The following SERAC1 variants were observed in gnomAD, a reference collection of about 807,000 sequenced individuals.
The protein encoded by SERAC1 is serine active site containing 1, also known as protein SERAC1.
A neutral mutation model predicts 85.7 loss-of-function variants in SERAC1; 36 were observed. The observed-to-expected ratio is 0.42, with a 90% CI of 0.32 to 0.55. The LOEUF (loss-of-function observed/expected upper bound fraction) is 0.55, where lower values mean the gene tolerates loss of function less well. Ranked by LOEUF, SERAC1 falls within the 20% of genes least tolerant of loss-of-function variation. The pLI, the probability that SERAC1 is intolerant of heterozygous loss-of-function variation, is 0.11. For missense variants in SERAC1, 629 were observed against 796.2 expected (o/e 0.79, Z 2.53); for synonymous variants, 242 against 265.3 (o/e 0.91, Z 0.85).
At chr6:158,150,734 T>C (rs1785184535) in intron 3 of SERAC1, 145 bp from the exon 4 acceptor site, 1 of 655,008 alleles carries the variant, frequency 1.5e-6, no homozygotes, top group South Asian at 1.9e-5. Context: ...ATAACATTTA[T>C]ACAGTCATGT....
chr6:158,131,300 ATATAT>A (rs973630555), intron 8 of SERAC1, among the ~76,000 whole-genome samples: 2 of 147,428 alleles, frequency 1.4e-5, no homozygotes, highest in South Asian at 2.1e-4. Context: ...ATTATAAATT[ATATAT>A]TATATATTTA....
At position 158,139,572 on chromosome 6, in the gene SERAC1, G is replaced by A. The variant is rs73023972; in HGVS notation, c.738+3484C>T. The stretch of plus-strand genomic sequence containing the variant: ...AGGACAAGTAACCCAATTTTAAAAT[G>A]AGCAAAGGGAGCCATGGTGGCTCAC... On this transcript the variant is annotated intron_variant, in intron 8 of 16. Coordinates refer to ENST00000647468, the MANE Select transcript of SERAC1 (RefSeq NM_032861.4). Among the ~76,000 whole-genome samples the A allele has an allele frequency of 5.4e-3, 828 of 152,258 alleles. 2 individuals are homozygous for A. Among genetic ancestry groups the A allele is most frequent in the Non-Finnish European group, 9.4e-3 (637 of 68,012 alleles).
Position 158,114,698 on chromosome 6 carries a change from A to AGAT in SERAC1, c.1684+88_1684+90dup, listed in dbSNP as rs112830999. ...ACAATTATATACAAATTATAAAATG[A>AGAT]GATAATACATTCAAGGAAGAAACTT... On this transcript the variant is annotated intron_variant, in intron 15 of 16. Transcript: ENST00000647468. 6.2e-5 allele frequency: 99 copies of AGAT among 1,586,868 alleles called. No homozygotes were observed. The African/African-American group carries it at 1.0e-3, about 16-fold the overall frequency.
chr6:158,146,760 C>T, intron 6 of SERAC1, 22 bp downstream of exon 6: 1 of 1,612,324 alleles, frequency 6.2e-7, no homozygotes, highest in Non-Finnish European at 8.5e-7. Context: ...AGGCATGCCA[C>T]CTGTTCAGGT....
intron 1 of SERAC1, among the ~76,000 whole-genome samples, chr6:158,159,790 AATTTTTTGT>A (rs1562461790): frequency 6.6e-6 from 1 of 151,676 alleles, no homozygotes; most frequent in Non-Finnish European, 1.5e-5. Flanking sequence ...ACACTCAACT[AATTTTTTGT>A]ATTTTTTGTA....
chr6:158,152,347 C>G (rs552994483), intron 3 of SERAC1, among the ~76,000 whole-genome samples: 1 of 152,170 alleles, frequency 6.6e-6, no homozygotes, highest in Admixed American at 6.5e-5. Flanking sequence ...AAAACCAAGG[C>G]TCTACTAAAA....
chr6:158,147,824 T>C (rs1223439203), intron 5 of SERAC1, among the ~76,000 whole-genome samples: 1 of 144,506 alleles, frequency 6.9e-6, no homozygotes, highest in Non-Finnish European at 1.5e-5. Context: ...ACATCACATC[T>C]AGATTCAATA....
chr6:158,150,400 A>G lies in SERAC1; in HGVS notation c.265+53T>C. 2.1e-6 allele frequency: 3 copies of G among 1,408,334 alleles called. No individual in the cohort carries two copies. The South Asian group carries it at 3.7e-5, about 17-fold the overall frequency. The allele number at this position is 1,408,334 out of a possible 1,614,324, so 87.2% of individuals were successfully genotyped here. A position where few individuals can be genotyped will look rare whatever the true frequency, so the allele number is the denominator to read the frequency against. ...GTGTTTTAAATAGACGCATTTTTAA[A>G]TGCAATAACTAGCTTCCATTTTTCA... On this transcript the variant is annotated intron_variant, in intron 4 of 16. Coordinates refer to ENST00000647468, the MANE Select transcript of SERAC1 (RefSeq NM_032861.4).
intron 5 of SERAC1, among the ~76,000 whole-genome samples, chr6:158,147,215 T>G (rs1290809363): frequency 6.6e-6 from 1 of 151,966 alleles, no homozygotes; most frequent in Admixed American, 6.6e-5. Context: ...CGTGGCTCAC[T>G]GCAGCTTCGA....
intron 1 of SERAC1, among the ~76,000 whole-genome samples, chr6:158,167,367 G>T (rs1583619699): frequency 6.6e-6 from 1 of 151,452 alleles, no homozygotes; most frequent in Admixed American, 6.6e-5. Flanking sequence ...GACAAACCCC[G>T]TGTCTACTAA....
intron 2 of SERAC1, 33 bp from the exon 3 acceptor site, chr6:158,155,384 T>A: frequency 7.4e-7 from 1 of 1,355,040 alleles, no homozygotes; most frequent in Non-Finnish European, 1.1e-6. Flanking sequence ...GTGATGAATT[T>A]CATTTTTAAA....
chr6:158,119,309 A>G lies in SERAC1; in HGVS notation c.1167-139T>C. The stretch of plus-strand genomic sequence containing the variant: ...CTGAATTAAAGCAAGCTCTATAAGC[A>G]CAGGTTTGCTGGGAAAACCTAGAAG... On this transcript the variant is annotated intron_variant, in intron 11 of 16. Transcript: ENST00000647468. This position sits in a 1 kb window ranked among gnomAD's most constrained non-coding sequence, Gnocchi z 4.5. 9.6e-7 allele frequency: 1 copy of G among 1,038,184 alleles called. No individual in the cohort carries two copies. The highest frequency in any genetic ancestry group is 2.7e-5 in the East Asian group (1 of 36,390). The allele number at this position is 1,038,184 out of a possible 1,614,324, so 64.3% of individuals were successfully genotyped here.
chr6:158,144,528 C>A, intron 6 of SERAC1, 108 bp from the exon 7 acceptor site: 1 of 1,070,110 alleles, frequency 9.3e-7, no homozygotes, highest in Non-Finnish European at 1.3e-6. Context: ...AACTGCTCTG[C>A]AAATTTGTAA....
chr6:158,124,976 A>T (rs988470722), intron 10 of SERAC1, among the ~76,000 whole-genome samples: 9 of 152,210 alleles, frequency 5.9e-5, no homozygotes, highest in Non-Finnish European at 8.8e-5. Flanking sequence ...AAATCCATAT[A>T]TACAGAAAAA....
chr6:158,111,594 AT>A (rs1156789316), intron 16 of SERAC1, 92 bp from the exon 17 acceptor site: 55 of 1,006,392 alleles, frequency 5.5e-5, no homozygotes, highest in Non-Finnish European at 6.9e-5. Flanking sequence ...AGTTCTAGAC[AT>A]TGCTTTGGTT....
At chr6:158,118,966 C>T (rs1428397107) in intron 12 of SERAC1, 63 bp downstream of exon 12, 2 of 1,544,762 alleles carry the variant, frequency 1.3e-6, no homozygotes, top group Admixed American at 2.1e-5. Context: ...ACAAGCAAGC[C>T]ACAATCAGGG....
chr6:158,150,301 T>C (rs1785171757), intron 4 of SERAC1, 152 bp downstream of exon 4: 3 of 564,880 alleles, frequency 5.3e-6, no homozygotes, highest in Admixed American at 6.9e-5. Context: ...TGGTCCTCAA[T>C]TAATTCTTCA....
intron 5 of SERAC1, among the ~76,000 whole-genome samples, chr6:158,148,300 CA>C: frequency 6.6e-6 from 1 of 151,972 alleles, no homozygotes; most frequent in East Asian, 1.9e-4. Flanking sequence ...GATTTTCTAA[CA>C]AATTTAAAAT....
chr6:158,131,499 T>C (rs1784675587), intron 8 of SERAC1, among the ~76,000 whole-genome samples: 1 of 148,348 alleles, frequency 6.7e-6, no homozygotes, highest in Non-Finnish European at 1.5e-5. Flanking sequence ...ATTTTTTGTA[T>C]ATTTATTTTA....
Sources: allele counts gnomAD v4.1 joint callset (sites outside exome capture counted in the v4.1 genomes callset), GRCh38; gene constraint gnomAD v4.1.1; non-coding constraint Gnocchi (gnomAD v3.1); transcripts MANE v1.5; gene names NCBI Gene and HGNC (gene_info 2026-07-23, HGNC 2026-07-21).